KAZN: variants seen among roughly 807,000 people sequenced by gnomAD.
The protein encoded by KAZN is kazrin, periplakin interacting protein.
KAZN carries 40 observed loss-of-function variants against 87.4 expected under a neutral mutation model. That is an observed-to-expected ratio of 0.46 (90% confidence interval 0.36 to 0.60). KAZN has a LOEUF of 0.60. Among genes scored for constraint, KAZN ranks in the 20% least tolerant of loss-of-function variants. The pLI is 0.00. For synonymous variants in KAZN, 466 were observed against 458.3 expected, an observed-to-expected ratio of 1.02 and a Z score of -0.22; for missense variants, 898 against 1,073.9, an observed-to-expected ratio of 0.84 and a Z score of 2.29.
At chr1:14,307,735 C>T (rs777771004) in intron 2 of KAZN, among the ~76,000 whole-genome samples, 7 of 152,156 alleles carry the variant, frequency 4.6e-5, no homozygotes, top group Non-Finnish European at 7.3e-5. Context: ...GGCAGTAACG[C>T]GTAGTGGGTC....
At chr1:14,128,562 C>G (rs530310651) in intron 1 of KAZN, among the ~76,000 whole-genome samples, 39 of 152,244 alleles carry the variant, frequency 2.6e-4, no homozygotes, top group African/African-American at 9.1e-4. Flanking sequence ...CCTGTGGTCT[C>G]TTTGTGTGCC....
intron 1 of KAZN, among the ~76,000 whole-genome samples, chr1:14,148,518 C>G (rs995684526): frequency 2.0e-5 from 3 of 152,104 alleles, no homozygotes; most frequent in Admixed American, 6.5e-5. Flanking sequence ...GTACCCCTTT[C>G]TTGTTTTATG....
At chr1:14,942,660 TA>T (rs1255158029) in intron 1 of KAZN, among the ~76,000 whole-genome samples, 3 of 152,208 alleles carry the variant, frequency 2.0e-5, no homozygotes, top group Admixed American at 1.3e-4. Flanking sequence ...ACTGTAGTCC[TA>T]GGGGGTCTTT....
chr1:13,989,828 A>G (rs1406843927), intron 1 of KAZN, among the ~76,000 whole-genome samples: 1 of 152,206 alleles, frequency 6.6e-6, no homozygotes, highest in East Asian at 1.9e-4. Flanking sequence ...CTGCCTGCTC[A>G]GAGGCCAGTA....
intron 2 of KAZN, among the ~76,000 whole-genome samples, chr1:14,576,340 A>G (rs145957431): frequency 2.0e-5 from 3 of 146,636 alleles, no homozygotes; most frequent in Admixed American, 2.0e-4. Context: ...ATGGACGGAC[A>G]GATAAATAGA....
chr1:14,078,584 C>A (rs1372286123), intron 1 of KAZN, among the ~76,000 whole-genome samples: 2 of 152,208 alleles, frequency 1.3e-5, no homozygotes, highest in African/African-American at 4.8e-5. Context: ...GGAACACCGG[C>A]AGATTGAGTG....
At chr1:13,917,867 A>G (rs1211908882) in intron 1 of KAZN, among the ~76,000 whole-genome samples, 3 of 152,028 alleles carry the variant, frequency 2.0e-5, no homozygotes, top group Non-Finnish European at 4.4e-5. Flanking sequence ...TATAAATGGA[A>G]CAGCAAAGCC....
chr1:14,288,746 C>T (rs990662928), intron 2 of KAZN, among the ~76,000 whole-genome samples: 2 of 152,150 alleles, frequency 1.3e-5, no homozygotes, highest in African/African-American at 4.8e-5. Context: ...TTTGCTCTTG[C>T]TTCTCTAGTT....
chr1:14,609,125 TAATG>T (rs2148617077), intron 1 of KAZN, among the ~76,000 whole-genome samples: 1 of 152,318 alleles, frequency 6.6e-6, no homozygotes, highest in Admixed American at 6.5e-5. Flanking sequence ...TTATCTTAAT[TAATG>T]TGCTCATCAA....
chr1:14,312,364 G>A lies in KAZN; in HGVS notation c.249+131772G>A, dbSNP rs16853908. Among the ~76,000 whole-genome samples the A allele has an allele frequency of 4.8e-3, 734 of 152,198 alleles. 4 individuals carry two copies. Among genetic ancestry groups the A allele is most frequent in the African/African-American group, 0.015 (625 of 41,516 alleles). On this transcript the variant is annotated intron_variant, in intron 2 of 16. Coordinates refer to the KAZN transcript ENST00000636203. ...GCACTTACCTTCTAGCCGGCCCTGC[G>A]TTAGGGCTTTGCACACATTGCTTGT...
intron 1 of KAZN, among the ~76,000 whole-genome samples, chr1:14,849,406 C>T (rs1397817626): frequency 2.6e-5 from 4 of 152,186 alleles, no homozygotes; most frequent in Admixed American, 6.5e-5. Flanking sequence ...GTGTTTACTA[C>T]GTTCCGGGCT....
chr1:13,973,949 T>G (rs149838648), intron 1 of KAZN, among the ~76,000 whole-genome samples: 24 of 152,304 alleles, frequency 1.6e-4, no homozygotes, highest in African/African-American at 5.8e-4. Context: ...ACTATGCATA[T>G]CGTCATACTC....
intron 2 of KAZN, among the ~76,000 whole-genome samples, chr1:14,380,405 A>G (rs889848484): frequency 6.6e-6 from 1 of 152,246 alleles, no homozygotes; most frequent in Non-Finnish European, 1.5e-5. Context: ...AGAAACAGAG[A>G]TATGTGACCT....
intron 1 of KAZN, among the ~76,000 whole-genome samples, chr1:13,978,184 C>G (rs946903188): frequency 1.4e-5 from 2 of 147,524 alleles, no homozygotes; most frequent in Non-Finnish European, 3.0e-5. Flanking sequence ...TGCATATGTG[C>G]GGCGCAAGAC....
intron 1 of KAZN, among the ~76,000 whole-genome samples, chr1:13,944,280 C>G (rs1641051590): frequency 2.0e-5 from 3 of 152,302 alleles, no homozygotes; most frequent in Middle Eastern, 3.4e-3. Context: ...AAGAGACCAA[C>G]CACACACTGC....
intron 2 of KAZN, among the ~76,000 whole-genome samples, chr1:14,426,111 C>T (rs1258449305): frequency 2.6e-5 from 4 of 152,236 alleles, no homozygotes; most frequent in African/African-American, 7.2e-5. Flanking sequence ...TGAATCAGCT[C>T]AGCCTCACTG....
chr1:14,689,550 A>C (rs1190074317), intron 1 of KAZN, among the ~76,000 whole-genome samples: 1 of 152,162 alleles, frequency 6.6e-6, no homozygotes, highest in Non-Finnish European at 1.5e-5. Context: ...AGTGTAAGAG[A>C]ATTGGTCTGT....
intron 1 of KAZN, among the ~76,000 whole-genome samples, chr1:14,743,629 C>G (rs1200661137): frequency 6.6e-6 from 1 of 152,100 alleles, no homozygotes; most frequent in East Asian, 1.9e-4. Flanking sequence ...GGAGACCCAG[C>G]AGTGGCCAGA....
intron 2 of KAZN, among the ~76,000 whole-genome samples, chr1:14,495,892 C>G (rs986156913): frequency 1.3e-5 from 2 of 152,274 alleles, no homozygotes; most frequent in African/African-American, 4.8e-5. Flanking sequence ...CATTTATCAT[C>G]AGGGAGTCAG....
Sources: allele counts gnomAD v4.1 joint callset (sites outside exome capture counted in the v4.1 genomes callset), GRCh38; gene constraint gnomAD v4.1.1; transcripts MANE v1.5; gene names NCBI Gene and HGNC (gene_info 2026-07-23, HGNC 2026-07-21).